Variants in NKAIN3 observed in about 807,000 individuals in gnomAD.
NKAIN3 encodes sodium/potassium transporting ATPase interacting 3, also known as sodium/potassium-transporting ATPase subunit beta-1-interacting protein 3.
NKAIN3 carries 25 observed loss-of-function variants against 30.2 expected under a neutral mutation model. The ratio of observed to expected loss-of-function variants is 0.83; its 90% CI spans 0.60 to 1.16. The LOEUF is 1.16. Among genes scored for constraint, NKAIN3 ranks in the 50% most tolerant of loss-of-function variants. The probability of loss-of-function intolerance (pLI) is 0.00; values close to 1 mark genes in which losing one functional copy is unlikely to be tolerated. For synonymous variants in NKAIN3, 91 were observed against 89.6 expected (o/e 1.02, Z -0.09); for missense variants, 225 against 254.1 (o/e 0.89, Z 0.78).
At chr8:62,803,901 A>G (rs946373831) in intron 4 of NKAIN3, among the ~76,000 whole-genome samples, 3 of 152,194 alleles carry the variant, frequency 2.0e-5, no homozygotes, top group Non-Finnish European at 2.9e-5. Flanking sequence ...AGAAGAATCA[A>G]ATAGACGCAA....
chr8:62,584,584 A>G (rs1585977981), intron 2 of NKAIN3, among the ~76,000 whole-genome samples: 1 of 152,142 alleles, frequency 6.6e-6, no homozygotes. Context: ...CCATTTGCCT[A>G]CCTTGTGCCA....
At chr8:62,954,969 C>T (rs184849698) in intron 6 of NKAIN3, among the ~76,000 whole-genome samples, 147 of 152,132 alleles carry the variant, frequency 9.7e-4, no homozygotes, top group Admixed American at 4.7e-3. Flanking sequence ...AATTTGATGG[C>T]GATAGAAGAA....
intron 3 of NKAIN3, among the ~76,000 whole-genome samples, chr8:62,694,955 A>AT (rs1391340899): frequency 6.6e-6 from 1 of 152,096 alleles, no homozygotes; most frequent in Non-Finnish European, 1.5e-5. Flanking sequence ...AACTTGCTAC[A>AT]TTTTATATCT....
At chr8:62,549,141 G>C (rs983712094) in intron 1 of NKAIN3, among the ~76,000 whole-genome samples, 2 of 152,116 alleles carry the variant, frequency 1.3e-5, no homozygotes, top group Admixed American at 6.6e-5. Flanking sequence ...GAACGCTATA[G>C]TATTTCCTAA....
At chr8:62,998,828 G>A (rs1804186260) in intron 5 of NKAIN3, among the ~76,000 whole-genome samples, 1 of 152,178 alleles carries the variant, frequency 6.6e-6, no homozygotes, top group Admixed American at 6.6e-5. Flanking sequence ...CAAACTGGAT[G>A]AAATTTCCTG....
At chr8:62,494,557 C>T (rs962580049) in intron 1 of NKAIN3, among the ~76,000 whole-genome samples, 2 of 152,202 alleles carry the variant, frequency 1.3e-5, no homozygotes, top group Middle Eastern at 3.4e-3. Flanking sequence ...AGGAGTCACT[C>T]TCCTCAATAT....
intron 1 of NKAIN3, among the ~76,000 whole-genome samples, chr8:62,491,189 C>T (rs1300777073): frequency 2.0e-5 from 3 of 152,204 alleles, no homozygotes; most frequent in Admixed American, 6.5e-5. Context: ...TATTATAAAT[C>T]TCAGTGTGCT....
At chr8:62,802,513 T>A (rs1264887218) in intron 4 of NKAIN3, among the ~76,000 whole-genome samples, 1 of 152,118 alleles carries the variant, frequency 6.6e-6, no homozygotes, top group Non-Finnish European at 1.5e-5. Flanking sequence ...CCAGCCAAAC[T>A]AAGCTTCATA....
chr8:62,623,945 TG>T (rs1203317456), intron 3 of NKAIN3, among the ~76,000 whole-genome samples: 1 of 152,092 alleles, frequency 6.6e-6, no homozygotes, highest in Non-Finnish European at 1.5e-5. Flanking sequence ...AAACGAAGGG[TG>T]GATTATTCAT....
chr8:62,700,682 G>A (rs1218233118), intron 3 of NKAIN3, among the ~76,000 whole-genome samples: 2 of 152,128 alleles, frequency 1.3e-5, no homozygotes, highest in Non-Finnish European at 2.9e-5. Flanking sequence ...GATTTGCAGC[G>A]AAGCTGTATT....
At chr8:62,562,829 T>C (rs114721073) in intron 1 of NKAIN3, among the ~76,000 whole-genome samples, 1 of 152,154 alleles carries the variant, frequency 6.6e-6, no homozygotes, top group Non-Finnish European at 1.5e-5. Context: ...TGAAAATGTG[T>C]ACTTTAAAGA....
intron 1 of NKAIN3, among the ~76,000 whole-genome samples, chr8:62,291,131 T>A (rs968836984): frequency 6.6e-6 from 1 of 152,202 alleles, no homozygotes; most frequent in Non-Finnish European, 1.5e-5. Context: ...TTCTCTCTTT[T>A]CTTCTTTATT....
chr8:62,438,275 C>A (rs1336999224), intron 1 of NKAIN3, among the ~76,000 whole-genome samples: 2 of 152,180 alleles, frequency 1.3e-5, no homozygotes, highest in Non-Finnish European at 2.9e-5. Flanking sequence ...AAGGACCTAT[C>A]TTTATCTGAA....
intron 1 of NKAIN3, among the ~76,000 whole-genome samples, chr8:62,568,011 G>T (rs1329047536): frequency 1.3e-5 from 2 of 152,060 alleles, no homozygotes; most frequent in African/African-American, 2.4e-5. Context: ...TAAATTGAAG[G>T]TTGACTAAGA....
chr8:62,549,706 C>G (rs1809131062), intron 1 of NKAIN3, among the ~76,000 whole-genome samples: 1 of 151,838 alleles, frequency 6.6e-6, no homozygotes, highest in African/African-American at 2.4e-5. Context: ...GCCAGTTTTT[C>G]TCTCTTCTCT....
intron 1 of NKAIN3, among the ~76,000 whole-genome samples, chr8:62,408,415 C>A (rs1804142649): frequency 6.6e-6 from 1 of 152,032 alleles, no homozygotes; most frequent in Admixed American, 6.6e-5. Flanking sequence ...TTACTCTCAC[C>A]TGTAGAGTAT....
rs1043746516 is a variant in NKAIN3 at position 62,402,804 on chromosome 8, A to T, written c.54+153677A>T. The stretch of plus-strand genomic sequence containing the variant: ...CTAATACAGTAAATTGGTACCGCAA[A>T]AAGTGGGGTGCTGCTGTAAAGATAA... On this transcript the variant is annotated intron_variant, in intron 1 of 6. Coordinates refer to ENST00000623646, the MANE Select transcript of NKAIN3 (RefSeq NM_001304533.3). Among the ~76,000 whole-genome samples, 19 of 152,178 alleles carry T rather than the reference A, an allele frequency of 1.2e-4. 1 individual carries two copies. The highest frequency in any genetic ancestry group is 2.4e-4 in the Non-Finnish European group (16 of 68,034).
At chr8:62,934,507 A>T (rs968991470) in intron 5 of NKAIN3, among the ~76,000 whole-genome samples, 1 of 152,092 alleles carries the variant, frequency 6.6e-6, no homozygotes, top group East Asian at 1.9e-4. Flanking sequence ...TGTTACAGAC[A>T]TCTTTATTAA....
intron 5 of NKAIN3, among the ~76,000 whole-genome samples, chr8:62,994,124 C>T (rs1040684743): frequency 6.6e-6 from 1 of 152,104 alleles, no homozygotes; most frequent in Non-Finnish European, 1.5e-5. Flanking sequence ...GAAAGTTGTC[C>T]TGCAGATATA....
Sources: gnomAD v4.1 joint callset for allele counts (sites outside exome capture counted in the v4.1 genomes callset) on GRCh38, gnomAD v4.1.1 for gene constraint, MANE v1.5 for transcripts, NCBI Gene and HGNC (gene_info 2026-07-23, HGNC 2026-07-21) for gene names.